KCNH5: variants seen among roughly 807,000 people sequenced by gnomAD.
The protein encoded by KCNH5 is potassium voltage-gated channel subfamily H member 5, also known as voltage-gated delayed rectifier potassium channel KCNH5.
KCNH5 carries 46 observed loss-of-function variants against 96.1 expected under a neutral mutation model. The observed-to-expected ratio is 0.48, with a 90% CI of 0.38 to 0.61. KCNH5 has a LOEUF of 0.61. Among genes scored for constraint, KCNH5 ranks in the 20% least tolerant of loss-of-function variants. KCNH5 has a pLI of 0.00. For missense variants in KCNH5, 907 were observed against 1,225.8 expected (o/e 0.74, Z 3.88); for synonymous variants, 439 against 449.8 (o/e 0.98, Z 0.30).
At chr14:62,868,544 T>A (rs75949149) in intron 7 of KCNH5, among the ~76,000 whole-genome samples, 7,636 of 152,266 alleles carry the variant, frequency 0.05, 638 homozygotes, top group African/African-American at 0.17. Flanking sequence ...GCTTTTAAAA[T>A]TTTTTAATTT....
In KCNH5 at chr14:63,021,068, G is replaced by T. The variant is rs7149837; in HGVS notation, c.74-4114C>A. ...ACCATCAAAAATTGTTTTCTTTCTC[G>T]CCTTAGCCCAAGCCAGTTTACCCTC... On this transcript the variant is annotated intron_variant, in intron 1 of 10. Transcript: ENST00000322893. 2.6e-5 allele frequency among the ~76,000 whole-genome samples: 4 copies of T among 151,202 alleles called. No homozygotes were observed. In the South Asian group the frequency reaches 6.3e-4, roughly 24 times the overall value.
At chr14:62,927,184 A>G (rs546200184) in intron 7 of KCNH5, among the ~76,000 whole-genome samples, 70 of 152,242 alleles carry the variant, frequency 4.6e-4, no homozygotes, top group African/African-American at 1.4e-3. Context: ...GCAAATCAAA[A>G]CTACAATGAG....
intron 8 of KCNH5, among the ~76,000 whole-genome samples, chr14:62,841,109 A>G (rs1887576383): frequency 6.6e-6 from 1 of 152,168 alleles, no homozygotes; most frequent in Admixed American, 6.6e-5. Flanking sequence ...TTAAAAAAAA[A>G]TCAAGAAAGA....
At chr14:62,819,113 C>T (rs1887061687) in intron 8 of KCNH5, among the ~76,000 whole-genome samples, 1 of 152,038 alleles carries the variant, frequency 6.6e-6, no homozygotes, top group African/African-American at 2.4e-5. Context: ...ACTACAGGTG[C>T]CCGCCACCAC....
At chr14:63,003,541 T>TA in intron 3 of KCNH5, among the ~76,000 whole-genome samples, 2 of 108,102 alleles carry the variant, frequency 1.9e-5, no homozygotes, top group Non-Finnish European at 3.5e-5. Context: ...ATATTATATA[T>TA]TATATATAGT....
intron 8 of KCNH5, among the ~76,000 whole-genome samples, chr14:62,822,112 T>C (rs867462815): frequency 2.6e-5 from 4 of 152,098 alleles, no homozygotes; most frequent in South Asian, 2.1e-4. Context: ...TTTGATGAAA[T>C]TGATGAAAGA....
intron 4 of KCNH5, among the ~76,000 whole-genome samples, chr14:62,991,283 T>C (rs768227025): frequency 2.0e-5 from 3 of 151,990 alleles, no homozygotes; most frequent in Non-Finnish European, 2.9e-5. Flanking sequence ...ATAGCTTATA[T>C]GAAGGAAGTC....
intron 6 of KCNH5, among the ~76,000 whole-genome samples, chr14:62,976,308 C>G (rs1468473488): frequency 4.7e-5 from 7 of 149,816 alleles, no homozygotes; most frequent in Non-Finnish European, 1.0e-4. Flanking sequence ...GAGGCTGTGG[C>G]AGGAGAATGG....
intron 7 of KCNH5, among the ~76,000 whole-genome samples, chr14:62,915,373 C>T (rs1025848493): frequency 3.3e-5 from 5 of 151,990 alleles, no homozygotes; most frequent in Admixed American, 2.6e-4. Flanking sequence ...TTGGAAGAAA[C>T]GTGATGAAAA....
chr14:62,786,003 C>A (rs1468105243), intron 9 of KCNH5, among the ~76,000 whole-genome samples: 2 of 152,064 alleles, frequency 1.3e-5, no homozygotes, highest in African/African-American at 4.8e-5. Context: ...CCAGCCTGGC[C>A]AACATGGTGA....
At chr14:63,021,545 C>T (rs1399922660) in intron 1 of KCNH5, among the ~76,000 whole-genome samples, 1 of 152,144 alleles carries the variant, frequency 6.6e-6, no homozygotes, top group African/African-American at 2.4e-5. Context: ...GAATACCACT[C>T]AGCCTACATC....
At chr14:62,839,823 T>G (rs1319077213) in intron 8 of KCNH5, among the ~76,000 whole-genome samples, 6 of 152,180 alleles carry the variant, frequency 3.9e-5, no homozygotes, top group Non-Finnish European at 5.9e-5. Context: ...GTAATTTGAA[T>G]TTTATTATAA....
chr14:62,740,491 AC>A (rs1885249537), intron 10 of KCNH5, among the ~76,000 whole-genome samples: 1 of 152,096 alleles, frequency 6.6e-6, no homozygotes, highest in African/African-American at 2.4e-5. Flanking sequence ...TTCTAACATT[AC>A]ACCTAAGCTT....
chr14:62,819,787 T>A (rs1887076718), intron 8 of KCNH5, among the ~76,000 whole-genome samples: 1 of 152,232 alleles, frequency 6.6e-6, no homozygotes, highest in Admixed American at 6.5e-5. Context: ...ATCTGCATAC[T>A]TATGACTTGA....
chr14:62,817,117 T>C lies in KCNH5; in HGVS notation c.1570-14536A>G, dbSNP rs1314881668. Reference sequence around the variant, plus strand: ...TTATATATAATTATATATGACATAATATATTTATTATAATATATAATATAT... The same window carrying C: ...TTATATATAATTATATATGACATAACATATTTATTATAATATATAATATAT... On this transcript the variant is annotated intron_variant, in intron 8 of 10. Coordinates refer to ENST00000322893, the MANE Select transcript of KCNH5 (RefSeq NM_139318.5). Among the ~76,000 whole-genome samples, 305 of 139,862 alleles carry C rather than the reference T, an allele frequency of 2.2e-3. 6 individuals are homozygous for C. Among genetic ancestry groups the C allele is most frequent in the East Asian group, 4.2e-3 (21 of 5,044 alleles). 91.8% of individuals were successfully genotyped at this position (139,862 alleles called of 152,430 possible).
chr14:62,759,579 T>TTTTTTTTTTTTTTTTTTTTTTTTTG (rs1885702024), intron 10 of KCNH5, among the ~76,000 whole-genome samples: 2 of 93,722 alleles, frequency 2.1e-5, no homozygotes, highest in Non-Finnish European at 5.3e-5. Flanking sequence ...GTATATTTTT[T>TTTTTTTTTTTTTTTTTTTTTTTTTG]AATAATTACA....
At chr14:63,006,012 T>C (rs1891117912) in intron 3 of KCNH5, among the ~76,000 whole-genome samples, 1 of 152,222 alleles carries the variant, frequency 6.6e-6, no homozygotes, top group East Asian at 1.9e-4. Flanking sequence ...GTGTTAACAA[T>C]TACCGTTTTC....
chr14:62,723,326 T>C (rs775675784), intron 10 of KCNH5, among the ~76,000 whole-genome samples: 1 of 152,216 alleles, frequency 6.6e-6, no homozygotes, highest in Non-Finnish European at 1.5e-5. Flanking sequence ...GTAAATAATC[T>C]TTCTCTATTA....
At chr14:62,937,630 T>C (rs1233751957) in intron 7 of KCNH5, among the ~76,000 whole-genome samples, 1 of 152,174 alleles carries the variant, frequency 6.6e-6, no homozygotes, top group African/African-American at 2.4e-5. Context: ...GGAGAACGTG[T>C]GCAAATTGTA....
Sources: allele counts gnomAD v4.1 joint callset (sites outside exome capture counted in the v4.1 genomes callset), GRCh38; gene constraint gnomAD v4.1.1; transcripts MANE v1.5; gene names NCBI Gene and HGNC (gene_info 2026-07-23, HGNC 2026-07-21).